The following MYO5A variants were observed in gnomAD, a reference collection of about 807,000 sequenced individuals.
The protein encoded by MYO5A is myosin VA.
A neutral mutation model predicts 249.7 loss-of-function variants in MYO5A; 98 were observed. That is an observed-to-expected ratio of 0.39 (90% CI 0.33 to 0.46). MYO5A has a LOEUF of 0.46. Among genes scored for constraint, MYO5A ranks in the 20% least tolerant of loss-of-function variants. MYO5A has a pLI of 0.98. For synonymous variants in MYO5A, 778 were observed against 810.6 expected (o/e 0.96, Z 0.68); for missense variants, 1,696 against 2,308.8 (o/e 0.73, Z 5.44).
rs75547122 is a variant in MYO5A, at chr15:52,369,420, A to C, written c.3066+749T>G. ...ACTTTTACAAATGTTTCAGCAGTAC[A>C]TCTCATTACTACTTGACAATCTTAA... On this transcript the variant is annotated intron_variant, in intron 22 of 41. Coordinates refer to ENST00000399233, the MANE Select transcript of MYO5A (RefSeq NM_001382347.1). Among the ~76,000 whole-genome samples the C allele has an allele frequency of 9.2e-4, 140 of 152,352 alleles. 1 individual carries two copies. In the East Asian group the frequency reaches 0.025, roughly 28 times the overall value.
At chr15:52,490,618 A>C (rs889062461) in intron 1 of MYO5A, among the ~76,000 whole-genome samples, 2 of 152,236 alleles carry the variant, frequency 1.3e-5, no homozygotes, top group African/African-American at 2.4e-5. Flanking sequence ...GTTGCCAGGG[A>C]CTAGAGGGAG....
chr15:52,397,257 C>A lies in MYO5A; in HGVS notation c.1263G>T (p.Gln421His), dbSNP rs572788600. 4.6e-5 allele frequency: 74 copies of A among 1,614,100 alleles called. 1 individual carries two copies. The South Asian group carries it at 7.4e-4, about 16-fold the overall frequency. The change falls in exon 10 of 42, where the codon CAG becomes CAT. Residue 421 changes from glutamine (Q) to histidine (H), a missense_variant. Coordinates refer to ENST00000399233, the MANE Select transcript of MYO5A (RefSeq NM_001382347.1). ...GCTGTTTGACAGCAGAATGGAGAGCCTGATTGACATTATCTACAATCCAGT... is the reference window on the plus strand; with the variant it reads ...GCTGTTTGACAGCAGAATGGAGAGCATGATTGACATTATCTACAATCCAGT... ...LFNWIVDNVNQALHSAVKQHS... is the reference protein window; with the variant it reads ...LFNWIVDNVNHALHSAVKQHS...
At chr15:52,405,248 A>T (rs2042953967) in intron 9 of MYO5A, 39 bp downstream of exon 9, 1 of 1,413,976 alleles carries the variant, frequency 7.1e-7, no homozygotes, top group Non-Finnish European at 1.0e-6. Flanking sequence ...CTAAAACATA[A>T]TTCAACTGCC....
At chr15:52,445,791 G>T (rs2075876962) in intron 1 of MYO5A, among the ~76,000 whole-genome samples, 1 of 152,198 alleles carries the variant, frequency 6.6e-6, no homozygotes, top group South Asian at 2.1e-4. Flanking sequence ...CGCCCTAGGG[G>T]ATCTGTGGAA....
In MYO5A at chr15:52,319,337, C is replaced by T. The variant is rs763433716; in HGVS notation, c.4957G>A (p.Gly1653Ser). The T allele has an allele frequency of 6.2e-7, 1 of 1,614,086 alleles. No individual in the cohort carries two copies. ...TGAATCGTTTCATGTTCCAGCATGCCTGAGACTGCAGGAGTATTTCAATTG... is the reference window on the plus strand; with the variant it reads ...TGAATCGTTTCATGTTCCAGCATGCTTGAGACTGCAGGAGTATTTCAATTG... ...ENILQPMIVS[G>S]MLEHETIQGV... is the part of the protein sequence containing the mutation. The change falls in exon 39 of 42, where the codon GGC (glycine) becomes AGC (serine). Residue 1653 changes from glycine (G) to serine (S), a missense_variant. Coordinates refer to ENST00000399233, the MANE Select transcript of MYO5A (RefSeq NM_001382347.1).
chr15:52,505,220 G>GCCTCCAA, intron 1 of MYO5A: 1 of 772,706 alleles, frequency 1.3e-6, no homozygotes, highest in Non-Finnish European at 2.4e-6. Flanking sequence ...AGCCCCGCCG[G>GCCTCCAA]CCTCCAGGTG....
chr15:52,309,669 A>C lies in MYO5A; in HGVS notation c.*4027T>G, dbSNP rs1438833651. ...TCCATGCTGCTGTGAGGATGAAACG[A>C]GGTAACAGAGGAAAGCGCCGCAGGA... is the stretch of plus-strand genomic sequence containing the variant. On this transcript the variant is annotated 3_prime_UTR_variant, in exon 42 of 42. Transcript: ENST00000399233. The C allele has an allele frequency of 6.6e-6, 1 of 152,240 alleles. No individual in the cohort carries two copies. The highest frequency in any genetic ancestry group is 2.4e-5 in the African/African-American group (1 of 41,446). The allele number at this position is 152,240 out of a possible 1,614,324, so 9.4% of individuals were successfully genotyped here.
rs547200396 is a variant in MYO5A at position 52,508,799 on chromosome 15, G to A, written c.27+19981C>T. ...TTTTTCTTTACCTCTTTATTATTATGTTCCCAGAAATTTAGCTCCTGAACA... is the reference window on the plus strand; with the variant it reads ...TTTTTCTTTACCTCTTTATTATTATATTCCCAGAAATTTAGCTCCTGAACA... On this transcript the variant is annotated intron_variant, in intron 1 of 41. Coordinates refer to ENST00000399233, the MANE Select transcript of MYO5A (RefSeq NM_001382347.1). 4.0e-5 allele frequency among the ~76,000 whole-genome samples: 6 copies of A among 151,460 alleles called. No homozygotes were observed. In the South Asian group the frequency reaches 1.3e-3, roughly 32 times the overall value.
At chr15:52,392,197 T>C (rs1269872815) in intron 11 of MYO5A, 127 bp from the exon 12 acceptor site, 2 of 889,650 alleles carry the variant, frequency 2.2e-6, no homozygotes, top group African/African-American at 3.4e-5. Flanking sequence ...GGGAGAAGCA[T>C]GATTTACACA....
intron 1 of MYO5A, among the ~76,000 whole-genome samples, chr15:52,438,853 G>C (rs976108567): frequency 1.3e-5 from 2 of 152,106 alleles, no homozygotes; most frequent in African/African-American, 4.8e-5. Flanking sequence ...CTGAGCTTTC[G>C]CTCGCCGTCC....
At chr15:52,387,990 T>C in intron 13 of MYO5A, 78 bp from the exon 14 acceptor site, 1 of 1,082,188 alleles carries the variant, frequency 9.2e-7, no homozygotes, top group Admixed American at 1.8e-5. Flanking sequence ...TAAGAATCTT[T>C]ATTAGTCTCA....
chr15:52,507,554 A>T (rs2077298783), intron 1 of MYO5A, among the ~76,000 whole-genome samples: 1 of 152,192 alleles, frequency 6.6e-6, no homozygotes, highest in Non-Finnish European at 1.5e-5. Context: ...ACAGGGACTC[A>T]CACCTGTAAT....
chr15:52,325,166 C>T (rs1463118982), intron 36 of MYO5A, among the ~76,000 whole-genome samples: 1 of 152,174 alleles, frequency 6.6e-6, no homozygotes, highest in African/African-American at 2.4e-5. Flanking sequence ...GATTGGGAAA[C>T]TGTGCTGGTC....
intron 1 of MYO5A, among the ~76,000 whole-genome samples, chr15:52,470,178 A>T (rs2076431015): frequency 6.6e-6 from 1 of 152,172 alleles, no homozygotes; most frequent in East Asian, 1.9e-4. Context: ...TAGCATTGAC[A>T]ATTCTTTCCA....
intron 19 of MYO5A, among the ~76,000 whole-genome samples, chr15:52,376,090 A>G (rs555232851): frequency 1.3e-5 from 2 of 152,360 alleles, no homozygotes; most frequent in Admixed American, 1.3e-4. Context: ...CCTCAAGCCC[A>G]ATATAAAAGT....
intron 27 of MYO5A, among the ~76,000 whole-genome samples, chr15:52,352,272 G>A (rs2039991981): frequency 6.6e-6 from 1 of 152,166 alleles, no homozygotes; most frequent in South Asian, 2.1e-4. Context: ...AGAATAGAGT[G>A]CCACCGACAC....
chr15:52,504,298 T>C (rs1423241892), intron 1 of MYO5A, among the ~76,000 whole-genome samples: 1 of 152,146 alleles, frequency 6.6e-6, no homozygotes, highest in Non-Finnish European at 1.5e-5. Flanking sequence ...TGTTCAGGTT[T>C]CTAAGCCTGG....
intron 2 of MYO5A, among the ~76,000 whole-genome samples, chr15:52,429,409 C>A (rs1194354737): frequency 6.6e-6 from 1 of 152,168 alleles, no homozygotes; most frequent in Non-Finnish European, 1.5e-5. Context: ...CAAAAATTGG[C>A]CAGGCATGGT....
rs192707964 is a variant in MYO5A, at chr15:52,517,076, C to A, written c.27+11704G>T. Reference sequence around the variant, plus strand: ...ATATGTTTCTAGTCTAAGAAAATTTCTCAAAACAGAATAAAGGTATTAAAA... The same window carrying A: ...ATATGTTTCTAGTCTAAGAAAATTTATCAAAACAGAATAAAGGTATTAAAA... On this transcript the variant is annotated intron_variant, in intron 1 of 41. Transcript: ENST00000399233. Among the ~76,000 whole-genome samples, 560 of 152,242 alleles carry A rather than the reference C, an allele frequency of 3.7e-3. 6 individuals are homozygous for A. The highest frequency in any genetic ancestry group is 2.2e-3 in the Non-Finnish European group (150 of 68,014).
Sources: allele counts gnomAD v4.1 joint callset (sites outside exome capture counted in the v4.1 genomes callset), GRCh38; gene constraint gnomAD v4.1.1; transcripts MANE v1.5; gene names NCBI Gene and HGNC (gene_info 2026-07-23, HGNC 2026-07-21).